The following KALRN variants were observed in gnomAD, a reference collection of about 807,000 sequenced individuals.
KALRN encodes the protein kalirin RhoGEF kinase, also known as kalirin.
KALRN carries 70 observed loss-of-function variants against 353.7 expected under a neutral mutation model. The ratio of observed to expected loss-of-function variants is 0.20; its 90% CI spans 0.16 to 0.24. The LOEUF is 0.24. Ranked by LOEUF, KALRN falls within the 10% of genes least tolerant of loss-of-function variation. KALRN has a pLI of 1.00. For synonymous variants in KALRN, 1,391 were observed against 1,434.8 expected, an observed-to-expected ratio of 0.97 and a Z score of 0.69; for missense variants, 2,791 against 3,756.7, an observed-to-expected ratio of 0.74 and a Z score of 6.72.
At chr3:124,650,716 C>T in intron 37 of KALRN, 92 bp from the exon 38 acceptor site, 6 of 1,297,162 alleles carry the variant, frequency 4.6e-6, no homozygotes, top group Non-Finnish European at 6.5e-6. Flanking sequence ...TACTGATTTT[C>T]CATGTTGTCT....
chr3:124,392,805 A>T (rs2089627105), intron 11 of KALRN, among the ~76,000 whole-genome samples: 2 of 149,792 alleles, frequency 1.3e-5, no homozygotes, highest in East Asian at 2.0e-4. Flanking sequence ...TTTTTATTAT[A>T]CTTTAAGTTT....
chr3:124,187,399 G>A (rs1370310255), intron 1 of KALRN, among the ~76,000 whole-genome samples: 2 of 152,106 alleles, frequency 1.3e-5, no homozygotes, highest in Non-Finnish European at 2.9e-5. Context: ...GTCTTTATTG[G>A]CTGTGTGAGA....
At chr3:124,308,779 A>G (rs1444897130) in intron 6 of KALRN, among the ~76,000 whole-genome samples, 1 of 151,820 alleles carries the variant, frequency 6.6e-6, no homozygotes, top group Non-Finnish European at 1.5e-5. Context: ...GAGCAAACGA[A>G]ACCTAAAGCA....
At chr3:124,248,331 C>T (rs540066256) in intron 3 of KALRN, among the ~76,000 whole-genome samples, 79 of 152,328 alleles carry the variant, frequency 5.2e-4, no homozygotes, top group Non-Finnish European at 2.8e-4. Flanking sequence ...ACTGAGGTTT[C>T]CTTCAGGAGG....
chr3:124,466,619 A>G (rs910668946), intron 25 of KALRN, among the ~76,000 whole-genome samples: 1 of 152,170 alleles, frequency 6.6e-6, no homozygotes, highest in Non-Finnish European at 1.5e-5. Context: ...CTGAGCAATA[A>G]CATTTTCATA....
intron 56 of KALRN, 22 bp downstream of exon 56, chr3:124,700,055 G>C (rs1479172597): frequency 6.2e-7 from 1 of 1,611,214 alleles, no homozygotes; most frequent in African/African-American, 1.3e-5. Flanking sequence ...CCCAGCCCTG[G>C]CCCCCCAGGC....
chr3:124,235,321 A>C (rs1261010535), intron 3 of KALRN, among the ~76,000 whole-genome samples: 1 of 152,196 alleles, frequency 6.6e-6, no homozygotes, highest in Non-Finnish European at 1.5e-5. Context: ...ACAGGTATAC[A>C]TACTCTACCA....
intron 34 of KALRN, among the ~76,000 whole-genome samples, chr3:124,585,119 T>A (rs1037167721): frequency 6.6e-6 from 1 of 152,164 alleles, no homozygotes; most frequent in African/African-American, 2.4e-5. Flanking sequence ...GGCGGTGAGG[T>A]TCTGACTTGG....
chr3:124,412,555 G>C (rs1159692283), intron 13 of KALRN, among the ~76,000 whole-genome samples: 1 of 152,198 alleles, frequency 6.6e-6, no homozygotes, highest in African/African-American at 2.4e-5. Context: ...CTAGTCTGTG[G>C]ATGATTGCAG....
chr3:124,231,101 G>T (rs1038721626), intron 2 of KALRN, among the ~76,000 whole-genome samples: 3 of 152,196 alleles, frequency 2.0e-5, no homozygotes, highest in African/African-American at 4.8e-5. Context: ...CAGGCAAAAG[G>T]AAAGCCATGC....
intron 37 of KALRN, among the ~76,000 whole-genome samples, chr3:124,644,905 G>A (rs923902499): frequency 6.6e-6 from 1 of 152,174 alleles, no homozygotes; most frequent in African/African-American, 2.4e-5. Context: ...TCACCACACT[G>A]TCTTCCACAA....
chr3:124,472,197 A>G (rs1201290679), intron 25 of KALRN, among the ~76,000 whole-genome samples: 1 of 152,170 alleles, frequency 6.6e-6, no homozygotes, highest in Non-Finnish European at 1.5e-5. Flanking sequence ...TCAATGATCA[A>G]TTCTTTAGAC....
chr3:124,658,761 G>A (rs1186756514), intron 42 of KALRN, among the ~76,000 whole-genome samples: 1 of 152,190 alleles, frequency 6.6e-6, no homozygotes, highest in East Asian at 1.9e-4. Flanking sequence ...TCCCCCATTT[G>A]CAGAATAAGC....
chr3:124,502,057 T>C (rs1561157072), intron 33 of KALRN, among the ~76,000 whole-genome samples: 1 of 152,212 alleles, frequency 6.6e-6, no homozygotes, highest in Admixed American at 6.5e-5. Context: ...TTAGTGCTTA[T>C]GGAGGACAGA....
intron 33 of KALRN, among the ~76,000 whole-genome samples, chr3:124,537,903 ATCT>A (rs1192266818): frequency 6.6e-6 from 1 of 152,198 alleles, no homozygotes; most frequent in Non-Finnish European, 1.5e-5. Flanking sequence ...TAGTGAGCAA[ATCT>A]TCTGTTCATG....
At chr3:124,233,284 G>A (rs1414298424) in intron 2 of KALRN, among the ~76,000 whole-genome samples, 3 of 152,186 alleles carry the variant, frequency 2.0e-5, no homozygotes, top group African/African-American at 7.2e-5. Flanking sequence ...TGAGAGTGTT[G>A]GAGGACCTCC....
intron 1 of KALRN, among the ~76,000 whole-genome samples, chr3:124,081,659 A>G (rs113591120): frequency 2.4e-4 from 36 of 152,130 alleles, no homozygotes; most frequent in Admixed American, 2.4e-3. Context: ...TAGTCCAGCT[A>G]CTCAGGAGGC....
intron 5 of KALRN, among the ~76,000 whole-genome samples, chr3:124,278,838 G>A (rs575456612): frequency 1.1e-4 from 17 of 152,234 alleles, no homozygotes; most frequent in African/African-American, 3.9e-4. Flanking sequence ...TGATGAATTT[G>A]TCAGACTTTA....
intron 1 of KALRN, among the ~76,000 whole-genome samples, chr3:124,045,779 C>T (rs1291166993): frequency 6.7e-6 from 1 of 148,842 alleles, no homozygotes; most frequent in African/African-American, 2.5e-5. Flanking sequence ...GATACATAAA[C>T]AGGTGATTGC....
Sources: gnomAD v4.1 joint callset for allele counts (sites outside exome capture counted in the v4.1 genomes callset) on GRCh38, gnomAD v4.1.1 for gene constraint, MANE v1.5 for transcripts, NCBI Gene and HGNC (gene_info 2026-07-23, HGNC 2026-07-21) for gene names.